FAT4: variants seen among roughly 807,000 people sequenced by gnomAD.
FAT4 encodes FAT atypical cadherin 4, also known as protocadherin Fat 4.
A neutral mutation model predicts 303.9 loss-of-function variants in FAT4; 84 were observed. That is an observed-to-expected ratio of 0.28 (90% CI 0.23 to 0.33). The LOEUF is 0.33. FAT4 is among the 10% of genes least tolerant of loss of function. The pLI, the probability that FAT4 is intolerant of heterozygous loss-of-function variation, is 1.00. For synonymous variants in FAT4, 2,307 were observed against 2,298.8 expected (o/e 1.00, Z -0.10); for missense variants, 6,005 against 6,146.8 (o/e 0.98, Z 0.77).
chr4:125,488,694 T>A (rs1727496377), intron 17 of FAT4, among the ~76,000 whole-genome samples: 1 of 152,200 alleles, frequency 6.6e-6, no homozygotes, highest in Non-Finnish European at 1.5e-5. Flanking sequence ...TTGGGACATT[T>A]TGGATTTGAA....
rs531807908 is a variant in FAT4, at chr4:125,317,291, A to T, written c.880A>T (p.Thr294Ser). The part of the protein sequence containing the change: ...DIRYRLQDEG[T>S]PFQMDPETGL... ...CCGCTATCGCCTGCAGGACGAGGGG[A>T]CCCCCTTCCAAATGGACCCTGAGAC... is the stretch of plus-strand genomic sequence containing the variant. Residue 294 changes from threonine (T) to serine (S), a missense_variant, in exon 2 of 18, where the codon ACC (threonine) becomes TCC (serine). By Grantham distance (58) the Thr-to-Ser change is moderately conservative. Transcript: ENST00000394329. This position sits in a 1 kb window ranked among gnomAD's most constrained non-coding sequence, Gnocchi z 7.0. 28 of 1,593,330 alleles carry T rather than the reference A, an allele frequency of 1.8e-5. 1 individual carries two copies. The East Asian group carries it at 6.1e-4, about 35-fold the overall frequency.
chr4:125,378,493 G>A (rs150623714), intron 2 of FAT4, among the ~76,000 whole-genome samples: 44 of 152,158 alleles, frequency 2.9e-4, no homozygotes, highest in African/African-American at 1.0e-3. Context: ...GGTGAGCTAA[G>A]TATGGTCAAG....
In FAT4 at chr4:125,315,654, G is replaced by T. The variant is rs1454014456; in HGVS notation, c.-336G>T. On this transcript the variant is annotated 5_prime_UTR_variant, in exon 1 of 18. Transcript: ENST00000394329. ...CCACGGGCTTGAAGCCGCAACAGGG[G>T]CGGCGGCGGCGGCGGCTGCAGGAGG... Among the ~76,000 whole-genome samples the T allele has an allele frequency of 6.6e-6, 1 of 152,146 alleles. No homozygotes were observed. The highest frequency in any genetic ancestry group is 1.5e-5 in the Non-Finnish European group (1 of 68,014).
rs755544120 is a variant in FAT4 at position 125,317,073 on chromosome 4, A to T, written c.662A>T (p.Glu221Val). 1 of 1,614,018 alleles carries T rather than the reference A, an allele frequency of 6.2e-7. No individual in the cohort carries two copies. The highest frequency in any genetic ancestry group is 1.1e-5 in the South Asian group (1 of 91,088). Reference sequence around the variant, plus strand: ...ACTCCGCAGTACCAGCTCCTGGTTGAGGTGGAGGACAAGGGTGAGCCTAAG... The same window carrying T: ...ACTCCGCAGTACCAGCTCCTGGTTGTGGTGGAGGACAAGGGTGAGCCTAAG... ...EVTPQYQLLV[E>V]VEDKGEPKRR... Residue 221 changes from glutamate (E) to valine (V), a missense_variant, in exon 2 of 18, where the codon GAG becomes GTG. Coordinates refer to ENST00000394329, the MANE Select transcript of FAT4 (RefSeq NM_001291303.3). This position sits in a 1 kb window ranked among gnomAD's most constrained non-coding sequence, Gnocchi z 7.0.
At chr4:125,468,090 G>T (rs1321604661) in intron 11 of FAT4, among the ~76,000 whole-genome samples, 1 of 152,020 alleles carries the variant, frequency 6.6e-6, no homozygotes, top group African/African-American at 2.4e-5. Context: ...CTTGAACCCA[G>T]TAGGCAGAGG....
chr4:125,387,674 G>T (rs983633382), intron 2 of FAT4, among the ~76,000 whole-genome samples: 10 of 152,116 alleles, frequency 6.6e-5, no homozygotes, highest in African/African-American at 2.4e-4. Context: ...TGGTAAGTGA[G>T]AATGTGTAGC....
intron 2 of FAT4, among the ~76,000 whole-genome samples, chr4:125,330,088 A>C (rs1404765872): frequency 2.0e-5 from 3 of 152,128 alleles, no homozygotes; most frequent in African/African-American, 7.2e-5. Flanking sequence ...CTTTACCTAC[A>C]CTGGCTTCTT....
At chr4:125,377,661 G>A (rs1733384974) in intron 2 of FAT4, among the ~76,000 whole-genome samples, 1 of 151,924 alleles carries the variant, frequency 6.6e-6, no homozygotes, top group Non-Finnish European at 1.5e-5. Context: ...TTTAAGTTTT[G>A]GAGTTTTATA....
At chr4:125,357,100 A>G (rs62321340) in intron 2 of FAT4, among the ~76,000 whole-genome samples, 2,147 of 152,196 alleles carry the variant, frequency 0.014, 18 homozygotes, top group Non-Finnish European at 0.022. Context: ...CATATAATGT[A>G]TTCCATATGT....
rs759222340 is a variant in FAT4, at chr4:125,450,308, A to G, written c.9298A>G (p.Ile3100Val). 2 of 1,614,110 alleles carry G rather than the reference A, an allele frequency of 1.2e-6. No individual in the cohort carries two copies. The highest frequency in any genetic ancestry group is 3.3e-5 in the Admixed American group (2 of 60,002). ...CTCTCAAAGCCACATGAGTGCAACC[A>G]TCCCTGAGAGCCATAGCATTGGGTC... ...EFSQSHMSAT[I>V]PESHSIGSIV... Residue 3100 changes from isoleucine to valine, a missense_variant, in exon 10 of 18, where the codon ATC (isoleucine) becomes GTC (valine). By Grantham distance (29) the Ile-to-Val change is conservative. Transcript: ENST00000394329.
Position 125,451,620 on chromosome 4 carries a change from C to G in FAT4, c.10610C>G (p.Pro3537Arg). ...GTGATGACCCTTCAGTCCACTGACC[C>G]TGATCTCCCTCCAAATCAAGGTCCC... ...TLVMTLQSTDPDLPPNQGPFT... is the reference protein window; with the variant it reads ...TLVMTLQSTDRDLPPNQGPFT... The change falls in exon 10 of 18, where the codon CCT becomes CGT. Residue 3537 changes from proline (P) to arginine (R), a missense_variant. Transcript: ENST00000394329. 6.2e-7 allele frequency: 1 copy of G among 1,614,132 alleles called. No homozygotes were observed. The highest frequency in any genetic ancestry group is 8.5e-7 in the Non-Finnish European group (1 of 1,180,008).
intron 2 of FAT4, among the ~76,000 whole-genome samples, chr4:125,364,950 T>G (rs1391994776): frequency 1.3e-5 from 2 of 152,098 alleles, no homozygotes; most frequent in African/African-American, 4.8e-5. Flanking sequence ...GCATTGCGGA[T>G]TTAGAAATTG....
chr4:125,409,854 G>T (rs977265698), intron 5 of FAT4, among the ~76,000 whole-genome samples: 31 of 152,172 alleles, frequency 2.0e-4, no homozygotes, highest in African/African-American at 6.5e-4. Context: ...TTTCCCTTAT[G>T]TTGGATGCAA....
Position 125,492,059 on chromosome 4 carries a change from T to C in FAT4, c.*291T>C. The stretch of plus-strand genomic sequence containing the variant: ...TATTTACCAGTGTTTGATTTGTGAT[T>C]TTTAAAAATTGATACCTTTACCATT... On this transcript the variant is annotated 3_prime_UTR_variant, in exon 18 of 18. Transcript: ENST00000394329. 3.0e-6 allele frequency: 1 copy of C among 329,290 alleles called. No individual in the cohort carries two copies. The highest frequency in any genetic ancestry group is 5.5e-6 in the Non-Finnish European group (1 of 181,066). The allele number at this position is 329,290 out of a possible 1,614,324, so 20.4% of individuals were successfully genotyped here.
At chr4:125,487,022 T>C (rs1474467458) in intron 16 of FAT4, among the ~76,000 whole-genome samples, 1 of 152,144 alleles carries the variant, frequency 6.6e-6, no homozygotes, top group Non-Finnish European at 1.5e-5. Context: ...GGAATACAAA[T>C]AATTTAAAAA....
rs975141748 is a variant in FAT4, at chr4:125,315,851, T to C, written c.-139T>C. 6.6e-6 allele frequency among the ~76,000 whole-genome samples: 1 copy of C among 152,150 alleles called. No homozygotes were observed. Among genetic ancestry groups the C allele is most frequent in the Non-Finnish European group, 1.5e-5 (1 of 68,026 alleles). ...AGCCTGGTTTTTGAGGAGTGGGGACTCCAGGAATTCCATCGCCTCCAGCTT... is the reference window on the plus strand; with the variant it reads ...AGCCTGGTTTTTGAGGAGTGGGGACCCCAGGAATTCCATCGCCTCCAGCTT... On this transcript the variant is annotated 5_prime_UTR_variant, in exon 1 of 18. Transcript: ENST00000394329.
chr4:125,394,372 A>G (rs189159837), intron 2 of FAT4, among the ~76,000 whole-genome samples: 20 of 152,310 alleles, frequency 1.3e-4, no homozygotes, highest in South Asian at 2.1e-4. Flanking sequence ...AACAAATGTA[A>G]AGATAAATGT....
Position 125,479,857 on chromosome 4 carries a change from G to A in FAT4, c.12596G>A (p.Cys4199Tyr). 1 of 1,584,078 alleles carries A rather than the reference G, an allele frequency of 6.3e-7. No individual in the cohort carries two copies. The highest frequency in any genetic ancestry group is 8.6e-7 in the Non-Finnish European group (1 of 1,160,226). ...AAAGAGGGACTCACTGGGAAATACT[G>A]TGAAAAATGTATGTAAGGTCTTCCG... ...HCKEGLTGKYCEKSVTPDTAL... is the reference protein window; with the variant it reads ...HCKEGLTGKYYEKSVTPDTAL... Residue 4199 changes from cysteine (C) to tyrosine (Y), a missense_variant, in exon 15 of 18, where the codon TGT (cysteine) becomes TAT (tyrosine). By Grantham distance (194) the Cys-to-Tyr change is radical. Coordinates refer to ENST00000394329, the MANE Select transcript of FAT4 (RefSeq NM_001291303.3).
chr4:125,334,119 C>A (rs762725382), intron 2 of FAT4, among the ~76,000 whole-genome samples: 1 of 152,084 alleles, frequency 6.6e-6, no homozygotes, highest in Non-Finnish European at 1.5e-5. Flanking sequence ...TATAGTCAAC[C>A]TATACTCAGT....
Sources: gnomAD v4.1 joint callset for allele counts (sites outside exome capture counted in the v4.1 genomes callset) on GRCh38, gnomAD v4.1.1 for gene constraint, Gnocchi (gnomAD v3.1) non-coding constraint, MANE v1.5 for transcripts, NCBI Gene and HGNC (gene_info 2026-07-23, HGNC 2026-07-21) for gene names.